DRG1: variants seen among roughly 807,000 people sequenced by gnomAD.
The protein encoded by DRG1 is developmentally regulated GTP binding protein 1, also known as developmentally-regulated GTP-binding protein 1.
A neutral mutation model predicts 38.8 loss-of-function variants in DRG1; 19 were observed. The observed-to-expected ratio is 0.49, with a 90% CI of 0.34 to 0.72. DRG1 has a LOEUF of 0.72. Ranked by LOEUF, DRG1 falls within the 30% of genes least tolerant of loss-of-function variation. The pLI, the probability that DRG1 is intolerant of heterozygous loss-of-function variation, is 0.01. For synonymous variants in DRG1, 167 were observed against 157.5 expected, an observed-to-expected ratio of 1.06 and a Z score of -0.45; for missense variants, 299 against 444.8, an observed-to-expected ratio of 0.67 and a Z score of 2.95.
In DRG1 at chr22:31,411,133, T is replaced by A. The variant is rs960578637; in HGVS notation, c.412+52T>A. On this transcript the variant is annotated intron_variant, in intron 4 of 8. Coordinates refer to ENST00000331457, the MANE Select transcript of DRG1 (RefSeq NM_004147.4). ...GGGATATCATTCCCTTCTCTGGTAC[T>A]ATTCTTTTAGTCAGGGACTACTTGG... The A allele has an allele frequency of 5.0e-6, 8 of 1,585,108 alleles. No individual in the cohort carries two copies. In the African/African-American group the frequency reaches 9.4e-5, roughly 19 times the overall value.
chr22:31,432,762 T>C lies in DRG1; in HGVS notation c.1005-1110T>C, dbSNP rs541302897. Among the ~76,000 whole-genome samples the C allele has an allele frequency of 2.0e-5, 3 of 152,132 alleles. No homozygotes were observed. In the East Asian group the frequency reaches 5.8e-4, roughly 29 times the overall value. On this transcript the variant is annotated intron_variant, in intron 8 of 8. Coordinates refer to ENST00000331457, the MANE Select transcript of DRG1 (RefSeq NM_004147.4). ...TTTTAGTAGAGACAGGGTTTCACCA[T>C]ATTAGCCATGCTGGTCTCGAACTCC...
At chr22:31,414,099 C>G (rs1198169120) in intron 4 of DRG1, among the ~76,000 whole-genome samples, 1 of 152,156 alleles carries the variant, frequency 6.6e-6, no homozygotes, top group Non-Finnish European at 1.5e-5. Flanking sequence ...TCTGCCCCAT[C>G]ATCAGACTCT....
At chr22:31,419,230 G>T (rs1389751419) in intron 4 of DRG1, among the ~76,000 whole-genome samples, 22 of 152,086 alleles carry the variant, frequency 1.4e-4, no homozygotes, top group Non-Finnish European at 4.4e-5. Flanking sequence ...TTGAGGCCAG[G>T]AGTTAAAGGC....
At chr22:31,432,117 C>T (rs2050142604) in intron 8 of DRG1, among the ~76,000 whole-genome samples, 1 of 151,360 alleles carries the variant, frequency 6.6e-6, no homozygotes, top group South Asian at 2.1e-4. Context: ...TCTGTTGCCG[C>T]CCAGGCTGGA....
intron 3 of DRG1, among the ~76,000 whole-genome samples, chr22:31,405,852 C>A (rs1436434102): frequency 6.6e-6 from 1 of 151,936 alleles, no homozygotes; most frequent in Admixed American, 6.6e-5. Flanking sequence ...CTATGCCCAG[C>A]TAATTTTGTA....
Position 31,400,753 on chromosome 22 carries a change from C to G in DRG1, c.166+10C>G, listed in dbSNP as rs775148562. On this transcript the variant is annotated intron_variant, in intron 2 of 8. Coordinates refer to ENST00000331457, the MANE Select transcript of DRG1 (RefSeq NM_004147.4). ...GGAGGTCCAGGAGAAGGTTTGTGTT[C>G]TTCTTCAATATATATATTTTTAGGT... 2 of 1,608,082 alleles carry G rather than the reference C, an allele frequency of 1.2e-6. No individual in the cohort carries two copies. The highest frequency in any genetic ancestry group is 1.7e-5 in the Admixed American group (1 of 59,728).
chr22:31,426,585 T>C (rs1383477143), intron 6 of DRG1, 30 bp from the exon 7 acceptor site: 1 of 1,589,196 alleles, frequency 6.3e-7, no homozygotes, highest in Admixed American at 1.7e-5. Context: ...AACTCCAGAC[T>C]AATACCCTGT....
intron 4 of DRG1, among the ~76,000 whole-genome samples, chr22:31,412,699 T>C (rs2050024593): frequency 6.6e-6 from 1 of 151,776 alleles, no homozygotes; most frequent in African/African-American, 2.4e-5. Context: ...TGGAGCCTTT[T>C]TTTTTCTTTT....
At chr22:31,418,674 A>T (rs747087484) in intron 4 of DRG1, among the ~76,000 whole-genome samples, 44 of 151,284 alleles carry the variant, frequency 2.9e-4, no homozygotes, top group Non-Finnish European at 5.5e-4. Flanking sequence ...TGGCCAGCTA[A>T]TTATTTATTT....
At chr22:31,420,127 T>C (rs1208434696) in intron 4 of DRG1, 129 bp from the exon 5 acceptor site, 1 of 933,954 alleles carries the variant, frequency 1.1e-6, no homozygotes, top group Non-Finnish European at 1.6e-6. Flanking sequence ...ACTTCACGTA[T>C]GCATGTATGT....
chr22:31,410,382 G>A (rs967942051), intron 3 of DRG1, among the ~76,000 whole-genome samples: 1 of 151,958 alleles, frequency 6.6e-6, no homozygotes, highest in African/African-American at 2.4e-5. Context: ...TTGAACCCGG[G>A]AGGTGGAGGT....
chr22:31,407,506 T>C (rs1228741375), intron 3 of DRG1, among the ~76,000 whole-genome samples: 1 of 151,964 alleles, frequency 6.6e-6, no homozygotes, highest in African/African-American at 2.4e-5. Context: ...TGACTAATTT[T>C]TTATTTTTTT....
chr22:31,416,574 G>A (rs141946191), intron 4 of DRG1, among the ~76,000 whole-genome samples: 1 of 152,178 alleles, frequency 6.6e-6, no homozygotes, highest in African/African-American at 2.4e-5. Flanking sequence ...GGCCAACGTG[G>A]TGAAACCCCA....
chr22:31,424,126 A>G (rs1206849082), intron 6 of DRG1, among the ~76,000 whole-genome samples: 3 of 151,174 alleles, frequency 2.0e-5, no homozygotes, highest in African/African-American at 7.3e-5. Flanking sequence ...CGGTCTCCCA[A>G]AGTGCTGGGT....
In DRG1 at chr22:31,434,016, C is replaced by T. The variant is rs763901804; in HGVS notation, c.*45C>T. 1 of 1,567,796 alleles carries T rather than the reference C, an allele frequency of 6.4e-7. No individual in the cohort carries two copies. Among genetic ancestry groups the T allele is most frequent in the Non-Finnish European group, 8.8e-7 (1 of 1,141,084 alleles). On this transcript the variant is annotated 3_prime_UTR_variant, in exon 9 of 9. Coordinates refer to ENST00000331457, the MANE Select transcript of DRG1 (RefSeq NM_004147.4). ...CTGCCGGACGAACCACAACAGCGTT[C>T]CCCATGATCAAGCACCCTACCCCAG...
intron 8 of DRG1, among the ~76,000 whole-genome samples, chr22:31,433,546 C>T (rs2050153688): frequency 6.6e-6 from 1 of 152,168 alleles, no homozygotes; most frequent in African/African-American, 2.4e-5. Flanking sequence ...GGTGGGATTA[C>T]AGGCATGAGC....
chr22:31,433,309 T>A (rs565719284), intron 8 of DRG1, among the ~76,000 whole-genome samples: 3 of 150,454 alleles, frequency 2.0e-5, no homozygotes, highest in Non-Finnish European at 4.4e-5. Flanking sequence ...TTTCGCTCGT[T>A]GCCCAACCTG....
At chr22:31,426,484 C>T (rs890359174) in intron 6 of DRG1, 131 bp from the exon 7 acceptor site, 6 of 726,640 alleles carry the variant, frequency 8.3e-6, no homozygotes, top group African/African-American at 5.3e-5. Flanking sequence ...TTTTCTTTTT[C>T]TGGCTGATCT....
chr22:31,421,106 G>T (rs2050074327), intron 5 of DRG1, among the ~76,000 whole-genome samples: 3 of 151,968 alleles, frequency 2.0e-5, no homozygotes, highest in Non-Finnish European at 4.4e-5. Context: ...TTTTAGTAGA[G>T]ACGGGGTTTC....
Sources: gnomAD v4.1 joint callset for allele counts (sites outside exome capture counted in the v4.1 genomes callset) on GRCh38, gnomAD v4.1.1 for gene constraint, MANE v1.5 for transcripts, NCBI Gene and HGNC (gene_info 2026-07-23, HGNC 2026-07-21) for gene names.